ARHGEF7: variants seen among roughly 807,000 people sequenced by gnomAD.
The protein encoded by ARHGEF7 is Rho guanine nucleotide exchange factor 7, also known as PAK-interacting exchange factor beta.
A neutral mutation model predicts 109.8 loss-of-function variants in ARHGEF7; 33 were observed. That is an observed-to-expected ratio of 0.30 (90% CI 0.23 to 0.40). ARHGEF7 has a LOEUF of 0.40. ARHGEF7 is among the 10% of genes least tolerant of loss of function. ARHGEF7 has a pLI of 1.00. For missense variants in ARHGEF7, 938 were observed against 1,098.5 expected, an observed-to-expected ratio of 0.85 and a Z score of 2.07; for synonymous variants, 458 against 424.6, an observed-to-expected ratio of 1.08 and a Z score of -0.97.
intron 1 of ARHGEF7, among the ~76,000 whole-genome samples, chr13:111,133,973 C>A (rs1054424636): frequency 4.0e-5 from 6 of 149,810 alleles, no homozygotes; most frequent in African/African-American, 1.2e-4. Context: ...CCACAACAGG[C>A]CCCGGTGTGT....
chr13:111,261,742 C>T (rs1473907818), intron 8 of ARHGEF7, among the ~76,000 whole-genome samples: 4 of 152,076 alleles, frequency 2.6e-5, no homozygotes, highest in Non-Finnish European at 5.9e-5. Context: ...TGAGATTCAT[C>T]TCTTAAAAAA....
At chr13:111,294,863 G>T in intron 19 of ARHGEF7, 1 of 985,802 alleles carries the variant, frequency 1.0e-6, no homozygotes, top group Non-Finnish European at 1.2e-6. Flanking sequence ...GGCCTAAATG[G>T]TGTTCCCTTT....
Position 111,217,880 on chromosome 13 carries a change from G to A in ARHGEF7, c.670G>A (p.Glu224Lys), listed in dbSNP as rs750102418. The change falls in exon 5 of 22, where the codon GAG (glutamate) becomes AAG (lysine). Residue 224 changes from glutamate (E) to lysine (K), a missense_variant and splice_region_variant. Transcript: ENST00000646102. Reference protein sequence around the residue: ...SNYVREVKASEKPVSPKSGTL... With the variant: ...SNYVREVKASKKPVSPKSGTL... Reference sequence around the variant, plus strand: ...CTACGTGCGCGAGGTCAAGGCCAGCGGTAAGTGGCCGAGCCTGGGCTGTGT... The same window carrying A: ...CTACGTGCGCGAGGTCAAGGCCAGCAGTAAGTGGCCGAGCCTGGGCTGTGT... The A allele has an allele frequency of 8.1e-6, 13 of 1,609,386 alleles. No homozygotes were observed. The highest frequency in any genetic ancestry group is 3.3e-4 in the Middle Eastern group (2 of 6,000).
chr13:111,285,403 T>C (rs1007438172), intron 16 of ARHGEF7, among the ~76,000 whole-genome samples: 1 of 152,238 alleles, frequency 6.6e-6, no homozygotes, highest in African/African-American at 2.4e-5. Flanking sequence ...AACCAGCCTT[T>C]TTTTGATATC....
intron 8 of ARHGEF7, among the ~76,000 whole-genome samples, chr13:111,252,206 A>G (rs1335578635): frequency 2.6e-5 from 4 of 152,180 alleles, no homozygotes; most frequent in African/African-American, 9.7e-5. Context: ...AGAGTGAAAA[A>G]CCACCAATAA....
At chr13:111,200,210 C>G (rs1273482949) in intron 2 of ARHGEF7, among the ~76,000 whole-genome samples, 1 of 152,152 alleles carries the variant, frequency 6.6e-6, no homozygotes, top group Non-Finnish European at 1.5e-5. Context: ...CCAGTGCCCT[C>G]CCTGCTGCAT....
At chr13:111,231,439 C>CACCT (rs1346133737) in intron 5 of ARHGEF7, among the ~76,000 whole-genome samples, 2 of 149,432 alleles carry the variant, frequency 1.3e-5, no homozygotes, top group Non-Finnish European at 2.9e-5. Context: ...TGTTTTCAAC[C>CACCT]ACCTGGAAGT....
At chr13:111,240,620 T>C (rs1437823222) in intron 6 of ARHGEF7, among the ~76,000 whole-genome samples, 1 of 152,220 alleles carries the variant, frequency 6.6e-6, no homozygotes, top group Non-Finnish European at 1.5e-5. Context: ...TGTAATGTAC[T>C]TTTTGAAAAT....
chr13:111,153,622 G>A, intron 1 of ARHGEF7: 2 of 1,164,080 alleles, frequency 1.7e-6, no homozygotes, highest in Non-Finnish European at 1.1e-6. Context: ...CGCGCGGGCC[G>A]GCGGGGGCGC....
intron 2 of ARHGEF7, among the ~76,000 whole-genome samples, chr13:111,203,661 T>C (rs1489380343): frequency 1.3e-5 from 2 of 152,334 alleles, no homozygotes; most frequent in East Asian, 3.9e-4. Context: ...CTTGACTCTT[T>C]TAGTGATTTG....
chr13:111,233,387 A>C, intron 6 of ARHGEF7, 94 bp downstream of exon 6: 1 of 1,006,160 alleles, frequency 9.9e-7, no homozygotes, highest in Admixed American at 1.8e-5. Flanking sequence ...CTAGAATAGG[A>C]AGAAGGAAAT....
intron 2 of ARHGEF7, among the ~76,000 whole-genome samples, chr13:111,182,916 T>G (rs2078905133): frequency 6.6e-6 from 1 of 152,362 alleles, no homozygotes. Flanking sequence ...AACGCTGTGT[T>G]ATAAAATATG....
intron 5 of ARHGEF7, among the ~76,000 whole-genome samples, chr13:111,227,016 A>T (rs1035187542): frequency 4.6e-5 from 7 of 152,218 alleles, no homozygotes; most frequent in African/African-American, 1.7e-4. Context: ...GGGAACAGCA[A>T]GAGAACTAAA....
rs756488838 is a variant in ARHGEF7, at chr13:111,300,854, T to C, written c.2411+7T>C. 14 of 1,561,470 alleles carry C rather than the reference T, an allele frequency of 9.0e-6. No individual in the cohort carries two copies. Among genetic ancestry groups the C allele is most frequent in the Non-Finnish European group, 1.2e-5 (14 of 1,137,222 alleles). On this transcript the variant is annotated splice_region_variant and intron_variant, in intron 20 of 21. Transcript: ENST00000646102. ...AGACAGTGATAGAAGAAAAGTAAGA[T>C]GTCTTCCGGTATTCTAAAGCAGATG... is the stretch of plus-strand genomic sequence containing the variant.
chr13:111,233,153 TTTTGTCATC>T, intron 5 of ARHGEF7, 43 bp from the exon 6 acceptor site: 1 of 1,489,516 alleles, frequency 6.7e-7, no homozygotes, highest in Non-Finnish European at 9.4e-7. Context: ...GGGCTGGAAC[TTTTGTCATC>T]TTTAGTACTG....
intron 8 of ARHGEF7, among the ~76,000 whole-genome samples, chr13:111,248,729 A>G (rs892837452): frequency 6.6e-6 from 1 of 152,096 alleles, no homozygotes; most frequent in African/African-American, 2.4e-5. Context: ...CTAAGATTTT[A>G]TATTTGTTCA....
intron 19 of ARHGEF7, chr13:111,294,963 A>G (rs2093394045): frequency 1.0e-6 from 1 of 985,376 alleles, no homozygotes; most frequent in South Asian, 4.7e-5. Context: ...ATATAGTGGT[A>G]TAAGATCTTG....
At chr13:111,267,711 GCT>G (rs2091779252) in intron 9 of ARHGEF7, 41 bp downstream of exon 9, 6 of 1,609,196 alleles carry the variant, frequency 3.7e-6, no homozygotes, top group South Asian at 1.1e-5. Flanking sequence ...AGGGTGGATG[GCT>G]CTGTGTCCTT....
rs74724621 is a variant in ARHGEF7 at position 111,214,349 on chromosome 13, C to T, written c.469-3330C>T. On this transcript the variant is annotated intron_variant, in intron 4 of 21. Transcript: ENST00000646102. ...CCTCAGGGCTGGCCAAGGGTGATCT[C>T]GGGCACCTGACCTGGGAAGGGGCCT... is the stretch of plus-strand genomic sequence containing the variant. 5.3e-3 allele frequency among the ~76,000 whole-genome samples: 804 copies of T among 152,350 alleles called. 7 individuals carry two copies. Among genetic ancestry groups the T allele is most frequent in the African/African-American group, 0.018 (754 of 41,594 alleles).
Sources: gnomAD v4.1 joint callset for allele counts (sites outside exome capture counted in the v4.1 genomes callset) on GRCh38, gnomAD v4.1.1 for gene constraint, MANE v1.5 for transcripts, NCBI Gene and HGNC (gene_info 2026-07-23, HGNC 2026-07-21) for gene names.